Variants in TMEM135 observed in about 807,000 individuals in gnomAD.
TMEM135 encodes transmembrane protein 135.
A neutral mutation model predicts 60.3 loss-of-function variants in TMEM135; 30 were observed. The ratio of observed to expected loss-of-function variants is 0.50; its 90% CI spans 0.37 to 0.68. TMEM135 has a LOEUF of 0.68. Among genes scored for constraint, TMEM135 ranks in the 30% least tolerant of loss-of-function variants. TMEM135 has a pLI of 0.00. For missense variants in TMEM135, 468 were observed against 548.8 expected (o/e 0.85, Z 1.47); for synonymous variants, 190 against 186.7 (o/e 1.02, Z -0.14).
intron 6 of TMEM135, among the ~76,000 whole-genome samples, chr11:87,291,006 G>A (rs1257259555): frequency 6.6e-6 from 1 of 152,128 alleles, no homozygotes; most frequent in Non-Finnish European, 1.5e-5. Flanking sequence ...TTCCTTTGAA[G>A]AGATTTTCTG....
chr11:87,262,757 C>T (rs1219145784), intron 6 of TMEM135, among the ~76,000 whole-genome samples: 2 of 151,996 alleles, frequency 1.3e-5, no homozygotes, highest in African/African-American at 2.4e-5. Flanking sequence ...GAGCCGTGAG[C>T]GGAGGGGACA....
At chr11:87,317,335 GCAATATA>G (rs1361335213) in intron 12 of TMEM135, among the ~76,000 whole-genome samples, 9 of 151,928 alleles carry the variant, frequency 5.9e-5, no homozygotes, top group Non-Finnish European at 8.8e-5. Context: ...TCTCTATCTT[GCAATATA>G]CTGTTACATA....
intron 6 of TMEM135, among the ~76,000 whole-genome samples, chr11:87,275,054 T>A (rs1941943932): frequency 6.6e-6 from 1 of 151,974 alleles, no homozygotes; most frequent in African/African-American, 2.4e-5. Context: ...GAATGAATAT[T>A]TGAGATGCCC....
At chr11:87,154,025 A>T (rs1938627946) in intron 4 of TMEM135, among the ~76,000 whole-genome samples, 1 of 152,204 alleles carries the variant, frequency 6.6e-6, no homozygotes, top group Non-Finnish European at 1.5e-5. Context: ...TTCTGTGTAC[A>T]GTTCACTGGC....
At chr11:87,259,255 C>A in intron 6 of TMEM135, 2 of 425,100 alleles carry the variant, frequency 4.7e-6, no homozygotes, top group Non-Finnish European at 8.9e-6. Flanking sequence ...CCTGCGACAG[C>A]GGCCATGGCT....
At chr11:87,317,314 A>G (rs1942749700) in intron 12 of TMEM135, among the ~76,000 whole-genome samples, 1 of 152,138 alleles carries the variant, frequency 6.6e-6, no homozygotes, top group Non-Finnish European at 1.5e-5. Flanking sequence ...ACATGAATAC[A>G]GCACAATGTA....
chr11:87,151,168 C>T (rs1310536399), intron 4 of TMEM135, among the ~76,000 whole-genome samples: 1 of 152,082 alleles, frequency 6.6e-6, no homozygotes, highest in Non-Finnish European at 1.5e-5. Context: ...TTAGCAGGCT[C>T]TTTCACTTTG....
At position 87,075,904 on chromosome 11, in the gene TMEM135, C is replaced by G. The variant is rs61566230; in HGVS notation, c.362+4289C>G. 4.8e-3 allele frequency among the ~76,000 whole-genome samples: 726 copies of G among 150,334 alleles called. 8 individuals carry two copies. Among genetic ancestry groups the G allele is most frequent in the African/African-American group, 0.017 (696 of 41,092 alleles). On this transcript the variant is annotated intron_variant, in intron 3 of 14. Transcript: ENST00000305494. ...ATAAACAGGGTCTCTCTCTCTCTCT[C>G]TGTGTGCTGAACTGCTTGGAACTGA...
chr11:87,039,863 T>C (rs1404010598), intron 1 of TMEM135, among the ~76,000 whole-genome samples: 1 of 152,258 alleles, frequency 6.6e-6, no homozygotes, highest in Non-Finnish European at 1.5e-5. Flanking sequence ...ATACTTGTTA[T>C]ATCAATAGCC....
chr11:87,072,292 T>C (rs1479590095), intron 3 of TMEM135, among the ~76,000 whole-genome samples: 4 of 152,226 alleles, frequency 2.6e-5, no homozygotes, highest in Non-Finnish European at 4.4e-5. Context: ...AGTTTTTTAT[T>C]ATCATCTAGA....
At chr11:87,247,999 C>T (rs1391051062) in intron 6 of TMEM135, among the ~76,000 whole-genome samples, 9 of 146,582 alleles carry the variant, frequency 6.1e-5, no homozygotes, top group African/African-American at 2.3e-4. Flanking sequence ...GCCATCTTGG[C>T]TGCCAGCTTG....
At chr11:87,232,170 T>A (rs1940903925) in intron 5 of TMEM135, among the ~76,000 whole-genome samples, 1 of 152,078 alleles carries the variant, frequency 6.6e-6, no homozygotes, top group African/African-American at 2.4e-5. Context: ...AGACTGGTCA[T>A]GAACTCCTGA....
intron 6 of TMEM135, among the ~76,000 whole-genome samples, chr11:87,264,812 C>T (rs1325084071): frequency 6.6e-6 from 1 of 151,678 alleles, no homozygotes; most frequent in East Asian, 1.9e-4. Context: ...CATTATCTTG[C>T]TTATAGTATT....
chr11:87,265,180 A>T (rs1206341329), intron 6 of TMEM135, among the ~76,000 whole-genome samples: 1 of 151,998 alleles, frequency 6.6e-6, no homozygotes, highest in Non-Finnish European at 1.5e-5. Context: ...TGCTCATTTT[A>T]TAAACTGATA....
At chr11:87,137,305 T>C (rs1479475531) in intron 4 of TMEM135, among the ~76,000 whole-genome samples, 1 of 151,878 alleles carries the variant, frequency 6.6e-6, no homozygotes, top group African/African-American at 2.4e-5. Context: ...ATGGGAATAC[T>C]ATTATTGACT....
chr11:87,129,636 G>A (rs954467804), intron 4 of TMEM135, among the ~76,000 whole-genome samples: 6 of 150,024 alleles, frequency 4.0e-5, no homozygotes, highest in Non-Finnish European at 8.8e-5. Flanking sequence ...TGCCCCCCGG[G>A]TTCAAGCAAT....
At chr11:87,296,047 G>T (rs1022723932) in intron 7 of TMEM135, among the ~76,000 whole-genome samples, 12 of 152,154 alleles carry the variant, frequency 7.9e-5, no homozygotes, top group Non-Finnish European at 1.5e-4. Flanking sequence ...CCTGTTGTGT[G>T]CTTTCTACTG....
At position 87,325,003 on chromosome 11, in the gene TMEM135, T is replaced by C; in HGVS notation, c.*3670T>C. The C allele has an allele frequency of 2.2e-6, 1 of 453,998 alleles. No homozygotes were observed. Among genetic ancestry groups the C allele is most frequent in the Non-Finnish European group, 4.4e-6 (1 of 226,760 alleles). The allele number at this position is 453,998 out of a possible 1,614,324, so 28.1% of individuals were successfully genotyped here. A position where few individuals can be genotyped will look rare whatever the true frequency, so the allele number is the denominator to read the frequency against. ...ATGAGTAATAAGGTTACCTTCATTGTGGAGGTGATGTTTACAATTGCCTCC... is the reference window on the plus strand; with the variant it reads ...ATGAGTAATAAGGTTACCTTCATTGCGGAGGTGATGTTTACAATTGCCTCC... On this transcript the variant is annotated 3_prime_UTR_variant, in exon 15 of 15. Coordinates refer to ENST00000305494, the MANE Select transcript of TMEM135 (RefSeq NM_022918.4).
intron 4 of TMEM135, among the ~76,000 whole-genome samples, chr11:87,098,687 A>T (rs1193466949): frequency 1.3e-5 from 2 of 151,390 alleles, no homozygotes; most frequent in Non-Finnish European, 2.9e-5. Context: ...AAAGTATCTT[A>T]TATATATATA....
Sources: gnomAD v4.1 joint callset for allele counts (sites outside exome capture counted in the v4.1 genomes callset) on GRCh38, gnomAD v4.1.1 for gene constraint, MANE v1.5 for transcripts, NCBI Gene and HGNC (gene_info 2026-07-23, HGNC 2026-07-21) for gene names.